Variants in DLG2 observed in about 807,000 individuals in gnomAD.
The protein encoded by DLG2 is discs large MAGUK scaffold protein 2, also known as disks large homolog 2.
Under a neutral mutation model 132.5 loss-of-function variants are expected in DLG2, and 45 were observed. The observed-to-expected ratio is 0.34, with a 90% confidence interval of 0.27 to 0.44. The LOEUF (loss-of-function observed/expected upper bound fraction) is 0.44, where lower values mean the gene tolerates loss of function less well. Among genes scored for constraint, DLG2 ranks in the 20% least tolerant of loss-of-function variants. The probability of loss-of-function intolerance (pLI) is 1.00; values close to 1 mark genes in which losing one functional copy is unlikely to be tolerated. For synonymous variants in DLG2, 424 were observed against 419.6 expected, an observed-to-expected ratio of 1.01 and a Z score of -0.13; for missense variants, 1,045 against 1,196.9, an observed-to-expected ratio of 0.87 and a Z score of 1.87.
At chr11:83,843,311 G>A (rs1423312815) in intron 16 of DLG2, among the ~76,000 whole-genome samples, 2 of 152,054 alleles carry the variant, frequency 1.3e-5, no homozygotes, top group Non-Finnish European at 2.9e-5. Flanking sequence ...TCTATCTAAC[G>A]AGGTCCTACT....
At chr11:83,704,654 T>TAAAAAA (rs769615246) in intron 18 of DLG2, among the ~76,000 whole-genome samples, 2 of 105,992 alleles carry the variant, frequency 1.9e-5, no homozygotes, top group African/African-American at 7.1e-5. Flanking sequence ...CCGTCTCTAC[T>TAAAAAA]AAAAAAAAAA....
intron 3 of DLG2, among the ~76,000 whole-genome samples, chr11:85,472,624 T>C (rs1408215187): frequency 1.3e-5 from 2 of 152,104 alleles, no homozygotes; most frequent in Non-Finnish European, 2.9e-5. Flanking sequence ...CTCAACAAAA[T>C]TTTCTCCACC....
chr11:85,479,369 T>C (rs1473843081), intron 3 of DLG2, among the ~76,000 whole-genome samples: 2 of 152,198 alleles, frequency 1.3e-5, no homozygotes, highest in African/African-American at 2.4e-5. Context: ...CTAGGACCTC[T>C]TTCCTAAAGG....
At chr11:85,411,108 G>GGTTCACTAACTAT (rs2089269785) in intron 3 of DLG2, among the ~76,000 whole-genome samples, 1 of 151,722 alleles carries the variant, frequency 6.6e-6, no homozygotes, top group African/African-American at 2.4e-5. Context: ...CTTCAGAGCA[G>GGTTCACTAACTAT]AAAACAGAAA....
chr11:85,108,050 T>C (rs974802464), intron 6 of DLG2, among the ~76,000 whole-genome samples: 1 of 136,364 alleles, frequency 7.3e-6, no homozygotes, highest in South Asian at 2.3e-4. Flanking sequence ...AGAGAACAAA[T>C]AGTTAATAGA....
intron 6 of DLG2, among the ~76,000 whole-genome samples, chr11:85,019,542 T>C (rs1178004934): frequency 6.6e-6 from 1 of 152,100 alleles, no homozygotes; most frequent in East Asian, 1.9e-4. Context: ...CATATGTATA[T>C]ATGTGCCATG....
chr11:84,093,047 A>G (rs868048947), intron 10 of DLG2, among the ~76,000 whole-genome samples: 27 of 151,638 alleles, frequency 1.8e-4, no homozygotes, highest in Admixed American at 5.9e-4. Context: ...AAAAAAAAAA[A>G]AAAGAAAGAA....
chr11:85,543,693 A>C (rs1032818501), intron 3 of DLG2, among the ~76,000 whole-genome samples: 5 of 152,170 alleles, frequency 3.3e-5, no homozygotes, highest in Admixed American at 6.5e-5. Context: ...CTGTCGTGAG[A>C]TGGTATCTCA....
At chr11:84,147,860 G>C (rs370787017) in intron 9 of DLG2, among the ~76,000 whole-genome samples, 1 of 151,784 alleles carries the variant, frequency 6.6e-6, no homozygotes, top group Non-Finnish European at 1.5e-5. Flanking sequence ...AAAAAGGTGG[G>C]GGTAGATAAA....
At chr11:85,460,203 G>T (rs1316306618) in intron 3 of DLG2, among the ~76,000 whole-genome samples, 1 of 152,176 alleles carries the variant, frequency 6.6e-6, no homozygotes. Flanking sequence ...CACTTTCCTG[G>T]GGGAATGAAG....
intron 6 of DLG2, among the ~76,000 whole-genome samples, chr11:84,984,757 G>T (rs190252624): frequency 6.6e-6 from 1 of 151,992 alleles, no homozygotes; most frequent in African/African-American, 2.4e-5. Context: ...CTAACATAAG[G>T]ACTCACATAA....
At chr11:84,247,070 A>G (rs2097311538) in intron 8 of DLG2, among the ~76,000 whole-genome samples, 1 of 152,216 alleles carries the variant, frequency 6.6e-6, no homozygotes, top group Non-Finnish European at 1.5e-5. Context: ...CTCTCTCAAC[A>G]GTGCATTTCT....
At chr11:84,082,031 G>A (rs2096911868) in intron 10 of DLG2, among the ~76,000 whole-genome samples, 1 of 152,072 alleles carries the variant, frequency 6.6e-6, no homozygotes, top group South Asian at 2.1e-4. Context: ...GGTGTGAGAT[G>A]GTATCTCACT....
chr11:85,553,110 G>T (rs980671826), intron 3 of DLG2, among the ~76,000 whole-genome samples: 1 of 145,790 alleles, frequency 6.9e-6, no homozygotes, highest in African/African-American at 2.6e-5. Context: ...TTGAATGCCA[G>T]GCACTGTTTT....
At chr11:84,772,663 C>T (rs1191145418) in intron 6 of DLG2, among the ~76,000 whole-genome samples, 1 of 152,030 alleles carries the variant, frequency 6.6e-6, no homozygotes, top group East Asian at 1.9e-4. Context: ...CACACAATTA[C>T]ATGGAAATTA....
chr11:83,636,186 A>C (rs2064794496), intron 18 of DLG2, among the ~76,000 whole-genome samples: 1 of 152,134 alleles, frequency 6.6e-6, no homozygotes, highest in African/African-American at 2.4e-5. Context: ...CCCAACCCTC[A>C]TTTAATCACT....
intron 6 of DLG2, among the ~76,000 whole-genome samples, chr11:84,809,123 T>A (rs1210489151): frequency 2.0e-5 from 3 of 151,996 alleles, no homozygotes; most frequent in Non-Finnish European, 4.4e-5. Flanking sequence ...CATGCAAGAC[T>A]GCTTCAGTAT....
chr11:84,603,806 G>C (rs1170210146), intron 6 of DLG2, among the ~76,000 whole-genome samples: 2 of 151,966 alleles, frequency 1.3e-5, no homozygotes, highest in Non-Finnish European at 2.9e-5. Context: ...CACTGTGCTA[G>C]GTATTGTGGG....
chr11:83,839,245 T>C (rs2154013542), intron 16 of DLG2, among the ~76,000 whole-genome samples: 1 of 152,348 alleles, frequency 6.6e-6, no homozygotes, highest in Non-Finnish European at 1.5e-5. Context: ...AAGATTTAAA[T>C]GCCTTTTTTA....
Sources: allele counts gnomAD v4.1 joint callset (sites outside exome capture counted in the v4.1 genomes callset), GRCh38; gene constraint gnomAD v4.1.1; transcripts MANE v1.5; gene names NCBI Gene and HGNC (gene_info 2026-07-23, HGNC 2026-07-21).